NUBPL: variants seen among roughly 807,000 people sequenced by gnomAD.
NUBPL encodes the protein NUBP iron-sulfur cluster assembly factor, mitochondrial.
In NUBPL, 31 loss-of-function variants were observed where a neutral mutation model predicts 45.7. The ratio of observed to expected loss-of-function variants is 0.68; its 90% CI spans 0.51 to 0.92. The LOEUF (loss-of-function observed/expected upper bound fraction) is 0.92, where lower values mean the gene tolerates loss of function less well. Among genes scored for constraint, NUBPL ranks in the 40% least tolerant of loss-of-function variants. The pLI is 0.00. For synonymous variants in NUBPL, 144 were observed against 140.9 expected (o/e 1.02, Z -0.15); for missense variants, 401 against 398.7 (o/e 1.01, Z -0.05).
chr14:31,818,780 C>G (rs1487450094), intron 7 of NUBPL, among the ~76,000 whole-genome samples: 1 of 152,196 alleles, frequency 6.6e-6, no homozygotes, highest in Non-Finnish European at 1.5e-5. Context: ...GATCTCCTGA[C>G]CTTGTGATCT....
chr14:31,599,186 C>G, intron 3 of NUBPL, 103 bp from the exon 4 acceptor site: 1 of 865,958 alleles, frequency 1.2e-6, no homozygotes, highest in South Asian at 1.4e-5. Flanking sequence ...ATTTTCTGTA[C>G]TCAGATTACT....
chr14:31,632,886 A>G (rs1165502426), intron 4 of NUBPL, among the ~76,000 whole-genome samples: 1 of 152,260 alleles, frequency 6.6e-6, no homozygotes, highest in Non-Finnish European at 1.5e-5. Flanking sequence ...TGGTTTATTT[A>G]ACATTGAAGC....
At chr14:31,831,464 G>A (rs12886890) in intron 8 of NUBPL, among the ~76,000 whole-genome samples, 540 of 40,926 alleles carry the variant, frequency 0.013, 4 homozygotes, top group Non-Finnish European at 0.024. Context: ...ATACTATACT[G>A]TACTATACCA....
chr14:31,735,969 A>G (rs562414087), intron 6 of NUBPL, among the ~76,000 whole-genome samples: 13 of 152,330 alleles, frequency 8.5e-5, no homozygotes, highest in Admixed American at 3.3e-4. Flanking sequence ...GTGGTGGCCC[A>G]TAAAACATTA....
intron 7 of NUBPL, among the ~76,000 whole-genome samples, chr14:31,816,966 C>A (rs1489381818): frequency 6.6e-6 from 1 of 151,658 alleles, no homozygotes; most frequent in African/African-American, 2.4e-5. Context: ...ACTAGAATAA[C>A]CAGTTTAGAG....
intron 6 of NUBPL, among the ~76,000 whole-genome samples, chr14:31,688,644 AG>A (rs1056317793): frequency 8.6e-5 from 10 of 115,668 alleles, no homozygotes; most frequent in African/African-American, 4.4e-4. Flanking sequence ...CTGCCTGAAC[AG>A]GTTTTTGTTG....
chr14:31,806,281 A>C (rs1221306755), intron 7 of NUBPL, among the ~76,000 whole-genome samples: 1 of 152,190 alleles, frequency 6.6e-6, no homozygotes, highest in Non-Finnish European at 1.5e-5. Flanking sequence ...TGGTAATCAG[A>C]GAGCAGCAGT....
At chr14:31,822,363 G>A (rs1016006177) in intron 7 of NUBPL, among the ~76,000 whole-genome samples, 2 of 151,864 alleles carry the variant, frequency 1.3e-5, no homozygotes, top group African/African-American at 4.8e-5. Context: ...AAAAATCTAG[G>A]TTATGCTAGA....
intron 4 of NUBPL, among the ~76,000 whole-genome samples, chr14:31,620,180 C>G (rs146107948): frequency 6.6e-6 from 1 of 151,980 alleles, no homozygotes; most frequent in Non-Finnish European, 1.5e-5. Flanking sequence ...AGCAATTCAT[C>G]TGACGTTTTT....
At chr14:31,813,763 C>T (rs1234903060) in intron 7 of NUBPL, among the ~76,000 whole-genome samples, 1 of 152,174 alleles carries the variant, frequency 6.6e-6, no homozygotes, top group East Asian at 1.9e-4. Flanking sequence ...TCAACTCCCA[C>T]TTATAAGTGA....
intron 9 of NUBPL, among the ~76,000 whole-genome samples, chr14:31,847,627 A>C (rs2040474146): frequency 6.6e-6 from 1 of 152,248 alleles, no homozygotes. Context: ...TGCCAAAGGC[A>C]GGTGTTAGAT....
At chr14:31,848,543 C>T (rs773532417) in intron 9 of NUBPL, among the ~76,000 whole-genome samples, 1 of 152,154 alleles carries the variant, frequency 6.6e-6, no homozygotes, top group Non-Finnish European at 1.5e-5. Flanking sequence ...AGGTCTCAGA[C>T]CATCTCACAG....
In NUBPL at chr14:31,562,148, A is replaced by G; in HGVS notation, c.189A>G (p.Ile63Met). 6.2e-7 allele frequency: 1 copy of G among 1,614,112 alleles called. No individual in the cohort carries two copies. Among genetic ancestry groups the G allele is most frequent in the East Asian group, 2.2e-5 (1 of 44,880 alleles). ...MSRGLPKQKP[I>M]EGVKQVIVVA... ...GAGGACTTCCAAAGCAGAAACCGAT[A>G]GAAGGTGTTAAACAAGTTATAGTTG... Residue 63 changes from isoleucine to methionine, a missense_variant, in exon 2 of 11, where the codon ATA (isoleucine) becomes ATG (methionine). Physicochemically the swap from Ile to Met is conservative, Grantham distance 10. Transcript: ENST00000281081.
chr14:31,600,574 A>C (rs1383965910), intron 4 of NUBPL, among the ~76,000 whole-genome samples: 2 of 152,234 alleles, frequency 1.3e-5, no homozygotes, highest in African/African-American at 4.8e-5. Context: ...CAACAAAATG[A>C]TGTTGAAAGA....
rs71986817 is a variant in NUBPL at position 31,732,609 on chromosome 14, C to CTTTT, written c.514-55154_514-55151dup. Among the ~76,000 whole-genome samples, 244 of 81,020 alleles carry CTTTT rather than the reference C, an allele frequency of 3.0e-3. 6 individuals carry two copies. The highest frequency in any genetic ancestry group is 0.016 in the South Asian group (32 of 1,954). 53.2% of individuals were successfully genotyped at this position (81,020 alleles called of 152,430 possible). ...TAAGTCCAGCTTATCAATTTGTTCT[C>CTTTT]TTTTTTTTTTTTTTTTTTTTGAGAT... On this transcript the variant is annotated intron_variant, in intron 6 of 10. Coordinates refer to ENST00000281081, the MANE Select transcript of NUBPL (RefSeq NM_025152.3).
chr14:31,817,525 A>T lies in NUBPL; in HGVS notation c.608-9104A>T, dbSNP rs984563737. ...CAGAAGAGAGTAGTAGCCAATACTC[A>T]ACATTCTTAAAGAAAGGAATTTTCA... On this transcript the variant is annotated intron_variant, in intron 7 of 10. Transcript: ENST00000281081. 2.0e-5 allele frequency among the ~76,000 whole-genome samples: 3 copies of T among 152,246 alleles called. No homozygotes were observed. The East Asian group carries it at 5.8e-4, about 29-fold the overall frequency.
intron 7 of NUBPL, among the ~76,000 whole-genome samples, chr14:31,811,278 T>G (rs1301300454): frequency 6.6e-6 from 1 of 152,216 alleles, no homozygotes; most frequent in Non-Finnish European, 1.5e-5. Context: ...ACTTGGTCTG[T>G]TCACATAGTC....
At chr14:31,635,225 C>A (rs1312312014) in intron 4 of NUBPL, among the ~76,000 whole-genome samples, 1 of 151,930 alleles carries the variant, frequency 6.6e-6, no homozygotes, top group Non-Finnish European at 1.5e-5. Context: ...GGTTTTAGGT[C>A]TAACGTTTAA....
chr14:31,724,173 A>G (rs1048940686), intron 6 of NUBPL, among the ~76,000 whole-genome samples: 13 of 152,266 alleles, frequency 8.5e-5, no homozygotes, highest in Non-Finnish European at 1.6e-4. Flanking sequence ...ATATTCTTCA[A>G]TTGTTCATGG....
Sources: allele counts gnomAD v4.1 joint callset (sites outside exome capture counted in the v4.1 genomes callset), GRCh38; gene constraint gnomAD v4.1.1; transcripts MANE v1.5; gene names NCBI Gene and HGNC (gene_info 2026-07-23, HGNC 2026-07-21).